The following UBL3 variants were observed in gnomAD, a reference collection of about 807,000 sequenced individuals.
UBL3 encodes ubiquitin like 3.
In UBL3, 6 loss-of-function variants were observed where a neutral mutation model predicts 18.4. The observed-to-expected ratio is 0.33, with a 90% CI of 0.18 to 0.64. UBL3 has a LOEUF of 0.64. UBL3 is among the 30% of genes least tolerant of loss of function. The pLI is 0.76. For missense variants in UBL3, 109 were observed against 142.9 expected (o/e 0.76, Z 1.21); for synonymous variants, 49 against 46.6 (o/e 1.05, Z -0.21).
Position 29,836,638 on chromosome 13 carries a change from A to T in UBL3, c.27+12874T>A, listed in dbSNP as rs138025548. On this transcript the variant is annotated intron_variant, in intron 1 of 4. Transcript: ENST00000380680. ...TTGCCAATTACCAGTACAGAGCAAA[A>T]GGCCAAGCAGAAAGCAGCATCCCAG... Among the ~76,000 whole-genome samples, 7 of 152,010 alleles carry T rather than the reference A, an allele frequency of 4.6e-5. No individual in the cohort carries two copies. In the East Asian group the frequency reaches 1.4e-3, roughly 30 times the overall value.
chr13:29,791,746 T>A (rs897913565), intron 1 of UBL3, among the ~76,000 whole-genome samples: 1 of 152,196 alleles, frequency 6.6e-6, no homozygotes, highest in Non-Finnish European at 1.5e-5. Flanking sequence ...TGACTCATGT[T>A]TGCTGTCTCA....
chr13:29,835,101 T>TATAAATATAAATATATATATAA (rs1566000937), intron 1 of UBL3, among the ~76,000 whole-genome samples: 1 of 45,004 alleles, frequency 2.2e-5, no homozygotes. Context: ...TATATATATA[T>TATAAATATAAATATATATATAA]ATATAAATAT....
intron 4 of UBL3, 59 bp from the exon 5 acceptor site, chr13:29,767,366 G>A (rs1593646899): frequency 2.5e-6 from 4 of 1,596,678 alleles, no homozygotes; most frequent in African/African-American, 2.7e-5. Context: ...GGGGAAAATG[G>A]GCTAGGCAAT....
chr13:29,849,610 T>C lies in UBL3; in HGVS notation c.-72A>G. ...AGAAAAAAGAGCAGAAGTCTTCACG[T>C]TACAGAAATAAACCACGATTTTGAC... On this transcript the variant is annotated 5_prime_UTR_variant, in exon 1 of 5. Coordinates refer to ENST00000380680, the MANE Select transcript of UBL3 (RefSeq NM_007106.4). 1 of 1,589,618 alleles carries C rather than the reference T, an allele frequency of 6.3e-7. No individual in the cohort carries two copies. The highest frequency in any genetic ancestry group is 8.6e-7 in the Non-Finnish European group (1 of 1,163,648).
intron 1 of UBL3, among the ~76,000 whole-genome samples, chr13:29,795,582 C>G (rs1219276102): frequency 2.0e-5 from 3 of 151,648 alleles, no homozygotes; most frequent in Non-Finnish European, 4.4e-5. Flanking sequence ...ATACCTCTTG[C>G]CAGATCCTCT....
At chr13:29,767,332 G>A (rs953234785) in intron 4 of UBL3, 25 bp from the exon 5 acceptor site, 9 of 1,612,458 alleles carry the variant, frequency 5.6e-6, no homozygotes, top group Admixed American at 1.7e-5. Context: ...GAAGAGCCTC[G>A]TTTATAAAAA....
rs1877006459 is a variant in UBL3, at chr13:29,776,811, CG to C, written c.136+343del. On this transcript the variant is annotated intron_variant, in intron 2 of 4. Coordinates refer to ENST00000380680, the MANE Select transcript of UBL3 (RefSeq NM_007106.4). Reference sequence around the variant, plus strand: ...ACTTGAGCCCGGGAGGCAGAGGTTGCGGTGAGCTAAGATCACGCCACTGCAC... The same window carrying C: ...ACTTGAGCCCGGGAGGCAGAGGTTGCGTGAGCTAAGATCACGCCACTGCAC... Among the ~76,000 whole-genome samples, 5 of 124,374 alleles carry C rather than the reference CG, an allele frequency of 4.0e-5. No homozygotes were observed. The South Asian group carries it at 1.3e-3, about 33-fold the overall frequency. The allele number at this position is 124,374 out of a possible 152,430, so 81.6% of individuals were successfully genotyped here.
At chr13:29,801,839 C>A (rs1439484867) in intron 1 of UBL3, among the ~76,000 whole-genome samples, 1 of 152,200 alleles carries the variant, frequency 6.6e-6, no homozygotes, top group Non-Finnish European at 1.5e-5. Flanking sequence ...GCCGAACACA[C>A]TGATTGATAG....
intron 3 of UBL3, among the ~76,000 whole-genome samples, chr13:29,769,456 T>G (rs1358175657): frequency 1.3e-5 from 2 of 152,052 alleles, no homozygotes; most frequent in African/African-American, 4.8e-5. Flanking sequence ...TATGACACAG[T>G]ACAATATCCA....
chr13:29,825,980 T>TTA (rs1206584560), intron 1 of UBL3, among the ~76,000 whole-genome samples: 1 of 152,228 alleles, frequency 6.6e-6, no homozygotes, highest in Non-Finnish European at 1.5e-5. Context: ...TTGGTTCTGT[T>TTA]TATATGCTGG....
chr13:29,780,272 T>C (rs1233194297), intron 1 of UBL3, among the ~76,000 whole-genome samples: 4 of 145,236 alleles, frequency 2.8e-5, no homozygotes, highest in African/African-American at 1.0e-4. Context: ...GAGAATGGCG[T>C]GAACCTGGGA....
chr13:29,793,048 C>T (rs375176008), intron 1 of UBL3, among the ~76,000 whole-genome samples: 38 of 152,206 alleles, frequency 2.5e-4, no homozygotes, highest in African/African-American at 9.1e-4. Context: ...AATCTAGCAG[C>T]ATCAAAACAC....
chr13:29,783,899 A>C (rs1470483735), intron 1 of UBL3, among the ~76,000 whole-genome samples: 2 of 152,156 alleles, frequency 1.3e-5, no homozygotes, highest in African/African-American at 4.8e-5. Context: ...GGTAATAAGG[A>C]CTCTGACTTG....
At chr13:29,801,705 G>A (rs944467290) in intron 1 of UBL3, among the ~76,000 whole-genome samples, 1 of 152,152 alleles carries the variant, frequency 6.6e-6, no homozygotes, top group Non-Finnish European at 1.5e-5. Flanking sequence ...TATACCTTTA[G>A]CAAGTCATAG....
chr13:29,847,978 G>A (rs1353037696), intron 1 of UBL3, among the ~76,000 whole-genome samples: 1 of 152,014 alleles, frequency 6.6e-6, no homozygotes, highest in Non-Finnish European at 1.5e-5. Flanking sequence ...GCTGTTATGT[G>A]GCCACCCCCA....
intron 1 of UBL3, among the ~76,000 whole-genome samples, chr13:29,845,805 T>C (rs1271214570): frequency 6.6e-6 from 1 of 152,154 alleles, no homozygotes; most frequent in African/African-American, 2.4e-5. Context: ...TACGGGGCTT[T>C]TCTTTGACCG....
chr13:29,827,908 G>A (rs1370792880), intron 1 of UBL3, among the ~76,000 whole-genome samples: 1 of 152,162 alleles, frequency 6.6e-6, no homozygotes, highest in African/African-American at 2.4e-5. Flanking sequence ...TTGCTTGTTT[G>A]TAAAGGATTT....
intron 1 of UBL3, among the ~76,000 whole-genome samples, chr13:29,839,170 T>C (rs7985986): frequency 0.9 from 137,026 of 152,224 alleles, 61,846 homozygotes; most frequent in East Asian, 0.98. Context: ...TGTGATACAA[T>C]AGATTGAACA....
intron 1 of UBL3, among the ~76,000 whole-genome samples, chr13:29,821,628 T>C (rs1265013473): frequency 6.6e-6 from 1 of 152,224 alleles, no homozygotes; most frequent in South Asian, 2.1e-4. Flanking sequence ...TAACACTTTG[T>C]ATGTGTATCA....
Sources: allele counts gnomAD v4.1 joint callset (sites outside exome capture counted in the v4.1 genomes callset), GRCh38; gene constraint gnomAD v4.1.1; transcripts MANE v1.5; gene names NCBI Gene and HGNC (gene_info 2026-07-23, HGNC 2026-07-21).